The following ZNF280B variants were observed in gnomAD, a reference collection of about 807,000 sequenced individuals.
The protein encoded by ZNF280B is suppressor of hairy wing homolog 2.
A neutral mutation model predicts 38.0 loss-of-function variants in ZNF280B; 16 were observed. The ratio of observed to expected loss-of-function variants is 0.42; its 90% CI spans 0.28 to 0.64. ZNF280B has a LOEUF of 0.64. ZNF280B is among the 30% of genes least tolerant of loss of function. The pLI, the probability that ZNF280B is intolerant of heterozygous loss-of-function variation, is 0.21. For missense variants in ZNF280B, 581 were observed against 639.6 expected (o/e 0.91, Z 0.99); for synonymous variants, 253 against 230.6 (o/e 1.10, Z -0.88).
intron 2 of ZNF280B, among the ~76,000 whole-genome samples, chr22:22,506,157 G>A (rs998140324): frequency 6.6e-6 from 1 of 151,808 alleles, no homozygotes; most frequent in East Asian, 2.0e-4. Flanking sequence ...GGAAAGTTCC[G>A]AGGTAGGTAC....
At chr22:22,504,208 T>C (rs1044656471) in intron 2 of ZNF280B, among the ~76,000 whole-genome samples, 3 of 151,694 alleles carry the variant, frequency 2.0e-5, no homozygotes, top group Non-Finnish European at 4.4e-5. Flanking sequence ...CTGAGGCAGG[T>C]GGCTCACGAG....
rs576719498 is a variant in ZNF280B at position 22,485,325 on chromosome 22, G to C, written c.*2442C>G. ...GGGAGGTAAGTATGAAAAGTCTGTA[G>C]ATCTATTTATACACAGTGGGAGTAT... On this transcript the variant is annotated 3_prime_UTR_variant, in exon 4 of 4. Coordinates refer to ENST00000626650, the MANE Select transcript of ZNF280B (RefSeq NM_080764.4). 2 of 152,004 alleles carry C rather than the reference G, an allele frequency of 1.3e-5. No individual in the cohort carries two copies. Among genetic ancestry groups the C allele is most frequent in the South Asian group, 2.1e-4 (1 of 4,810 alleles). The allele number at this position is 152,004 out of a possible 1,614,324, so 9.4% of individuals were successfully genotyped here. A position where few individuals can be genotyped will look rare whatever the true frequency, so the allele number is the denominator to read the frequency against.
At chr22:22,501,838 T>C (rs2061831647) in intron 2 of ZNF280B, among the ~76,000 whole-genome samples, 1 of 151,804 alleles carries the variant, frequency 6.6e-6, no homozygotes, top group Admixed American at 6.6e-5. Flanking sequence ...AGTGAGACCC[T>C]ACCTCTACAA....
chr22:22,497,056 G>T (rs2061711137), intron 2 of ZNF280B, among the ~76,000 whole-genome samples: 1 of 150,514 alleles, frequency 6.6e-6, no homozygotes, highest in African/African-American at 2.4e-5. Context: ...AACCTCAGGT[G>T]ATACACCCGC....
At chr22:22,492,647 G>A (rs570109421) in intron 3 of ZNF280B, among the ~76,000 whole-genome samples, 5 of 151,972 alleles carry the variant, frequency 3.3e-5, no homozygotes, top group Non-Finnish European at 7.4e-5. Context: ...AGCACTTTGG[G>A]AGGCCAAGGC....
At chr22:22,490,762 C>G (rs746980784) in intron 3 of ZNF280B, among the ~76,000 whole-genome samples, 2 of 151,910 alleles carry the variant, frequency 1.3e-5, no homozygotes, top group Non-Finnish European at 2.9e-5. Flanking sequence ...GGAACTGCAC[C>G]TGGCCCTCCC....
At chr22:22,502,899 T>C (rs974872449) in intron 2 of ZNF280B, among the ~76,000 whole-genome samples, 2 of 151,980 alleles carry the variant, frequency 1.3e-5, no homozygotes, top group Non-Finnish European at 2.9e-5. Context: ...TCCTGGACTA[T>C]ACAGGTGGGC....
chr22:22,494,472 C>A (rs1401263176), intron 2 of ZNF280B, among the ~76,000 whole-genome samples: 1 of 151,820 alleles, frequency 6.6e-6, no homozygotes, highest in African/African-American at 2.4e-5. Flanking sequence ...GTCCAGAGAC[C>A]CTTCTCTACA....
intron 2 of ZNF280B, among the ~76,000 whole-genome samples, chr22:22,506,940 G>C (rs920634744): frequency 6.6e-6 from 1 of 151,936 alleles, no homozygotes; most frequent in Admixed American, 6.6e-5. Context: ...CCCACTAACA[G>C]GGTTGGCCTG....
chr22:22,487,779 T>C lies in ZNF280B; in HGVS notation c.1620A>G (p.Lys540=). 1 of 1,573,120 alleles carries C rather than the reference T, an allele frequency of 6.4e-7. No individual in the cohort carries two copies. Residue 540 remains lysine (K), a synonymous_variant, in exon 4 of 4, where the codon AAA becomes AAG. Coordinates refer to ENST00000626650, the MANE Select transcript of ZNF280B (RefSeq NM_080764.4). ...SLPRSKSKIS[K]KSH ...ACTGAAACTAGAATTAATGGGACTT[T>C]TTTGAAATTTTGCTTTTAGACCTGG...
chr22:22,490,015 T>C (rs887347600), intron 3 of ZNF280B, among the ~76,000 whole-genome samples: 6 of 151,978 alleles, frequency 3.9e-5, no homozygotes, highest in African/African-American at 1.4e-4. Context: ...GATTCATATA[T>C]AGTAATCTCA....
chr22:22,508,690 C>G lies in ZNF280B; in HGVS notation c.-279G>C, dbSNP rs1273804948. 7 of 151,910 alleles carry G rather than the reference C, an allele frequency of 4.6e-5. No individual in the cohort carries two copies. The highest frequency in any genetic ancestry group is 7.3e-5 in the Non-Finnish European group (5 of 68,032). The allele number at this position is 151,910 out of a possible 1,614,324, so 9.4% of individuals were successfully genotyped here. On this transcript the variant is annotated 5_prime_UTR_variant, in exon 1 of 4. Transcript: ENST00000626650. The stretch of plus-strand genomic sequence containing the variant: ...GGATCAGCTGCTGTTCGCGAGCTGC[C>G]GGCCACGCACCAGCCCCGGAGGCGC...
chr22:22,489,755 T>C (rs1047019156), intron 3 of ZNF280B, among the ~76,000 whole-genome samples: 1 of 151,912 alleles, frequency 6.6e-6, no homozygotes, highest in Admixed American at 6.6e-5. Context: ...GAGGGCATCA[T>C]TGTGCAGTGT....
chr22:22,487,514 TCTCA>T lies in ZNF280B; in HGVS notation c.*249_*252del, dbSNP rs2061517841. ...AAATAAATTAATACCTTTTTCTCTCTCTCACACACACACACAAACACCTTTTATG... is the reference window on the plus strand; with the variant it reads ...AAATAAATTAATACCTTTTTCTCTCTCACACACACACAAACACCTTTTATG... On this transcript the variant is annotated 3_prime_UTR_variant, in exon 4 of 4. Transcript: ENST00000626650. 5 of 331,128 alleles carry T rather than the reference TCTCA, an allele frequency of 1.5e-5. No individual in the cohort carries two copies. The East Asian group carries it at 2.4e-4, about 16-fold the overall frequency. 20.5% of individuals were successfully genotyped at this position (331,128 alleles called of 1,614,324 possible).
At chr22:22,493,716 G>C (rs1231638356) in intron 3 of ZNF280B, among the ~76,000 whole-genome samples, 2 of 151,814 alleles carry the variant, frequency 1.3e-5, no homozygotes, top group African/African-American at 4.8e-5. Flanking sequence ...TTGTACACTT[G>C]TACTAGACCC....
chr22:22,496,826 T>C (rs1230123945), intron 2 of ZNF280B, among the ~76,000 whole-genome samples: 1 of 150,582 alleles, frequency 6.6e-6, no homozygotes, highest in East Asian at 2.0e-4. Flanking sequence ...TCTTTTTTTT[T>C]TTTTTTTTGA....
intron 2 of ZNF280B, among the ~76,000 whole-genome samples, chr22:22,502,732 G>A (rs548929827): frequency 7.3e-4 from 111 of 151,970 alleles, no homozygotes; most frequent in African/African-American, 2.5e-3. Flanking sequence ...AATTCATACA[G>A]ACAGAAATAA....
At chr22:22,500,482 C>G (rs958914634) in intron 2 of ZNF280B, among the ~76,000 whole-genome samples, 1 of 151,668 alleles carries the variant, frequency 6.6e-6, no homozygotes, top group Non-Finnish European at 1.5e-5. Context: ...ATAAAATAAA[C>G]CAGTCACAAA....
chr22:22,486,203 G>C lies in ZNF280B; in HGVS notation c.*1564C>G, dbSNP rs1159723721. 6.6e-6 allele frequency: 1 copy of C among 152,012 alleles called. No individual in the cohort carries two copies. The highest frequency in any genetic ancestry group is 2.0e-4 in the East Asian group (1 of 5,102). The allele number at this position is 152,012 out of a possible 1,614,324, so 9.4% of individuals were successfully genotyped here. A position where few individuals can be genotyped will look rare whatever the true frequency, so the allele number is the denominator to read the frequency against. ...TGTAATACATTCATGTCCAAAGCAA[G>C]ACATAAAGTTGCAAGCTTCACATGT... On this transcript the variant is annotated 3_prime_UTR_variant, in exon 4 of 4. Transcript: ENST00000626650.
Sources: allele counts gnomAD v4.1 joint callset (sites outside exome capture counted in the v4.1 genomes callset), GRCh38; gene constraint gnomAD v4.1.1; transcripts MANE v1.5; gene names NCBI Gene and HGNC (gene_info 2026-07-23, HGNC 2026-07-21).